Variants in FOXN1 observed in about 807,000 individuals in gnomAD.
FOXN1 encodes forkhead box N1, also known as forkhead box protein N1.
In FOXN1, 15 loss-of-function variants were observed where a neutral mutation model predicts 49.0. The observed-to-expected ratio is 0.31, with a 90% CI of 0.20 to 0.47. The LOEUF (loss-of-function observed/expected upper bound fraction) is 0.47. Ranked by LOEUF, FOXN1 falls within the 20% of genes least tolerant of loss-of-function variation. The pLI is 1.00. For synonymous variants in FOXN1, 356 were observed against 369.0 expected (o/e 0.96, Z 0.40); for missense variants, 800 against 842.8 (o/e 0.95, Z 0.63).
intron 1 of FOXN1, among the ~76,000 whole-genome samples, chr17:28,512,985 G>A (rs2151476137): frequency 6.6e-6 from 1 of 152,300 alleles, no homozygotes; most frequent in Middle Eastern, 3.4e-3. Flanking sequence ...GTCTCAGAAA[G>A]GAATGGATGG....
rs10527420 is a variant in FOXN1 at position 28,523,792 on chromosome 17, T to TTCTCTCTCTC, written c.-14-133_-14-124dup. The TTCTCTCTCTC allele has an allele frequency of 2.4e-3, 1,549 of 649,726 alleles. 10 individuals are homozygous for TTCTCTCTCTC. Among genetic ancestry groups the TTCTCTCTCTC allele is most frequent in the East Asian group, 7.8e-3 (276 of 35,480 alleles). The allele number at this position is 649,726 out of a possible 1,614,324, so 40.2% of individuals were successfully genotyped here. ...TCTCTTTCTCTCTCTCGCTCTCTGG[T>TTCTCTCTCTC]TCTCTCTCTCTCTCTCTCTCTCTCT... On this transcript the variant is annotated intron_variant, in intron 1 of 8. Transcript: ENST00000579795.
intron 1 of FOXN1, among the ~76,000 whole-genome samples, chr17:28,506,742 G>A (rs750054126): frequency 2.4e-4 from 37 of 152,196 alleles, no homozygotes; most frequent in Non-Finnish European, 4.1e-4. Context: ...TTGGAGATGC[G>A]CTCACCCACC....
intron 8 of FOXN1, 49 bp from the exon 9 acceptor site, chr17:28,537,068 G>A: frequency 6.9e-7 from 1 of 1,441,732 alleles, no homozygotes; most frequent in Admixed American, 1.7e-5. Context: ...GCCAGACAGG[G>A]CTCCTCCGGT....
At chr17:28,514,618 T>G (rs1329548859) in intron 1 of FOXN1, among the ~76,000 whole-genome samples, 2 of 151,216 alleles carry the variant, frequency 1.3e-5, no homozygotes, top group East Asian at 2.0e-4. Flanking sequence ...GAGCCCTGGG[T>G]GGGGCTACAG....
At chr17:28,527,525 G>A (rs576519250) in intron 4 of FOXN1, among the ~76,000 whole-genome samples, 164 bp downstream of exon 4, 1 of 152,242 alleles carries the variant, frequency 6.6e-6, no homozygotes, top group Non-Finnish European at 1.5e-5. Context: ...GGCGGGAATA[G>A]TTAATGGGAA....
At position 28,524,489 on chromosome 17, in the gene FOXN1, C is replaced by G. The variant is rs771852938; in HGVS notation, c.124-14C>G. 10 of 1,612,202 alleles carry G rather than the reference C, an allele frequency of 6.2e-6. No individual in the cohort carries two copies. Among genetic ancestry groups the G allele is most frequent in the Non-Finnish European group, 7.6e-6 (9 of 1,178,756 alleles). ...AGCCTCCACTCACAGGCTCGCTACT[C>G]TCTGTCTACCCAGAAGCATGCCGGC... is the stretch of plus-strand genomic sequence containing the variant. On this transcript the variant is annotated splice_polypyrimidine_tract_variant and intron_variant, in intron 2 of 8. Transcript: ENST00000579795.
chr17:28,507,860 C>T (rs34822146), intron 1 of FOXN1, among the ~76,000 whole-genome samples: 22,497 of 152,218 alleles, frequency 0.15, 2,045 homozygotes, highest in East Asian at 0.28. Context: ...GTCCCTTTCT[C>T]TTGTGGCTCT....
At chr17:28,519,031 G>A (rs988247229) in intron 1 of FOXN1, among the ~76,000 whole-genome samples, 16 of 152,216 alleles carry the variant, frequency 1.1e-4, no homozygotes, top group South Asian at 1.0e-3. Context: ...CACTGTGGCT[G>A]ATCTCCACCA....
intron 1 of FOXN1, among the ~76,000 whole-genome samples, chr17:28,509,181 T>C (rs1363797184): frequency 6.6e-6 from 1 of 151,600 alleles, no homozygotes; most frequent in African/African-American, 2.4e-5. Flanking sequence ...AGCTTATTCA[T>C]CTCCATCCCC....
chr17:28,518,222 A>G (rs903099246), intron 1 of FOXN1, among the ~76,000 whole-genome samples: 1 of 152,050 alleles, frequency 6.6e-6, no homozygotes, highest in African/African-American at 2.4e-5. Context: ...TCCGCAGGGT[A>G]CACTCCTCCA....
chr17:28,526,778 A>G (rs2069779415), intron 3 of FOXN1, among the ~76,000 whole-genome samples: 1 of 152,184 alleles, frequency 6.6e-6, no homozygotes, highest in African/African-American at 2.4e-5. Context: ...CCAGGCCCAC[A>G]GCTGGACCAG....
intron 8 of FOXN1, among the ~76,000 whole-genome samples, chr17:28,535,982 T>C (rs980137567): frequency 1.3e-5 from 2 of 152,182 alleles, no homozygotes; most frequent in African/African-American, 4.8e-5. Context: ...GTTCTACCCA[T>C]TCCACTCCAT....
chr17:28,509,840 C>A (rs1470195606), intron 1 of FOXN1, among the ~76,000 whole-genome samples: 1 of 152,236 alleles, frequency 6.6e-6, no homozygotes, highest in South Asian at 2.1e-4. Context: ...TCAGGCATGG[C>A]GGGCCAAGGA....
chr17:28,537,190 A>G lies in FOXN1; in HGVS notation c.1701A>G (p.Thr567=), dbSNP rs775247992. Residue 567 remains threonine (T), a synonymous_variant, in exon 9 of 9, where the codon ACA becomes ACG. Coordinates refer to ENST00000579795, the MANE Select transcript of FOXN1 (RefSeq NM_001369369.1). The stretch of plus-strand genomic sequence containing the variant: ...TGGTACTGGTGACCTCATCCCCGAC[A>G]TCATCTTCGATGCCACCACCCCAGC... ...DPLVLVTSSP[T]SSSMPPPQPP... is the part of the protein sequence containing the mutation. The G allele has an allele frequency of 6.2e-7, 1 of 1,613,758 alleles. No homozygotes were observed. Among genetic ancestry groups the G allele is most frequent in the Non-Finnish European group, 8.5e-7 (1 of 1,179,804 alleles).
chr17:28,531,532 A>C (rs2069914962), intron 6 of FOXN1, among the ~76,000 whole-genome samples: 1 of 152,138 alleles, frequency 6.6e-6, no homozygotes, highest in Non-Finnish European at 1.5e-5. Flanking sequence ...AGGGTGGTCC[A>C]TTCCCCTAAG....
intron 8 of FOXN1, among the ~76,000 whole-genome samples, chr17:28,535,763 A>G (rs1243967026): frequency 6.6e-6 from 1 of 152,138 alleles, no homozygotes; most frequent in African/African-American, 2.4e-5. Flanking sequence ...AAACAAAAAA[A>G]CCACTCTCAG....
chr17:28,526,106 G>T (rs1005164860), intron 3 of FOXN1, among the ~76,000 whole-genome samples: 1 of 152,206 alleles, frequency 6.6e-6, no homozygotes, highest in Non-Finnish European at 1.5e-5. Context: ...CCTGCAAATG[G>T]TGAGGCTGAG....
chr17:28,530,255 G>A (rs1473844583), intron 5 of FOXN1, among the ~76,000 whole-genome samples: 2 of 152,170 alleles, frequency 1.3e-5, no homozygotes, highest in African/African-American at 4.8e-5. Flanking sequence ...AGCAGTTCAG[G>A]CTGTTGGAAG....
chr17:28,522,610 G>T (rs1467289933), intron 1 of FOXN1, among the ~76,000 whole-genome samples: 1 of 152,054 alleles, frequency 6.6e-6, no homozygotes, highest in African/African-American at 2.4e-5. Context: ...GCATGCCACC[G>T]CACTCCAGCC....
Sources: gnomAD v4.1 joint callset for allele counts (sites outside exome capture counted in the v4.1 genomes callset) on GRCh38, gnomAD v4.1.1 for gene constraint, MANE v1.5 for transcripts, NCBI Gene and HGNC (gene_info 2026-07-23, HGNC 2026-07-21) for gene names.